Variants in MAGI1 observed in about 807,000 individuals in gnomAD.
MAGI1 encodes the protein membrane associated guanylate kinase, WW and PDZ domain containing 1.
Under a neutral mutation model 139.9 loss-of-function variants are expected in MAGI1, and 58 were observed. That is an observed-to-expected ratio of 0.41 (90% CI 0.34 to 0.52). The LOEUF (loss-of-function observed/expected upper bound fraction) is 0.52, where lower values mean the gene tolerates loss of function less well. Ranked by LOEUF, MAGI1 falls within the 20% of genes least tolerant of loss-of-function variation. The probability of loss-of-function intolerance (pLI) is 0.12; values close to 1 mark genes in which losing one functional copy is unlikely to be tolerated. For missense variants in MAGI1, 1,874 were observed against 1,901.6 expected, an observed-to-expected ratio of 0.99 and a Z score of 0.27; for synonymous variants, 812 against 737.9, an observed-to-expected ratio of 1.10 and a Z score of -1.63.
intron 1 of MAGI1, among the ~76,000 whole-genome samples, chr3:65,734,567 G>C (rs1357064783): frequency 7.6e-6 from 1 of 132,078 alleles, no homozygotes; most frequent in Non-Finnish European, 1.6e-5. Context: ...GAAAGAGAGA[G>C]AGGGAGAGAG....
chr3:65,622,031 G>T lies in MAGI1; in HGVS notation c.371C>A (p.Ser124Tyr). The T allele has an allele frequency of 6.2e-7, 1 of 1,614,016 alleles. No individual in the cohort carries two copies. Among genetic ancestry groups the T allele is most frequent in the Non-Finnish European group, 8.5e-7 (1 of 1,179,962 alleles). ...GGTCTGCTGGAGCTCATGATCAGGA[G>T]ACCCCTTCTGGAATCGCTGATTGAG... ...HFLNQRFQKGSPDHELQQTIR... is the reference protein window; with the variant it reads ...HFLNQRFQKGYPDHELQQTIR... The change falls in exon 2 of 23, where the codon TCT (serine) becomes TAT (tyrosine). Residue 124 changes from serine to tyrosine, a missense_variant. Physicochemically the swap from Ser to Tyr is moderately radical, Grantham distance 144. Around this residue, in one of 5 missense-constraint regions of MAGI1, gnomAD observed 648 missense variants for 598.1 expected, o/e 1.08. Transcript: ENST00000402939.
chr3:65,551,969 A>G (rs984149471), intron 2 of MAGI1, among the ~76,000 whole-genome samples: 1 of 152,236 alleles, frequency 6.6e-6, no homozygotes, highest in Non-Finnish European at 1.5e-5. Context: ...TGCTGATAAG[A>G]GGCAGAAAAG....
intron 22 of MAGI1, 53 bp downstream of exon 22, chr3:65,361,146 A>G (rs1940815831): frequency 6.2e-7 from 1 of 1,613,898 alleles, no homozygotes; most frequent in African/African-American, 1.3e-5. Context: ...TCTGGAGACA[A>G]ATTCATGGAG....
intron 1 of MAGI1, among the ~76,000 whole-genome samples, chr3:65,900,422 GTATTAT>G (rs1280395138): frequency 6.6e-6 from 1 of 152,194 alleles, no homozygotes; most frequent in African/African-American, 2.4e-5. Flanking sequence ...AAAGAGTCAT[GTATTAT>G]TTGCCTAGTG....
intron 1 of MAGI1, among the ~76,000 whole-genome samples, chr3:65,876,745 C>CT (rs1429265761): frequency 0.087 from 11,632 of 133,772 alleles, 1,233 homozygotes; most frequent in African/African-American, 0.24. Context: ...ATGTATCATG[C>CT]TTTTTTTTTT....
intron 14 of MAGI1, among the ~76,000 whole-genome samples, chr3:65,386,855 G>C (rs147793157): frequency 2.0e-5 from 3 of 152,294 alleles, no homozygotes; most frequent in Non-Finnish European, 2.9e-5. Context: ...GACTTCCTTT[G>C]ATAATTAGAA....
chr3:65,616,575 T>C (rs183425039), intron 2 of MAGI1, among the ~76,000 whole-genome samples: 18 of 152,180 alleles, frequency 1.2e-4, no homozygotes, highest in African/African-American at 4.1e-4. Flanking sequence ...TTACTAGTCA[T>C]AGTTTTGCCA....
At chr3:65,451,840 G>T (rs372017905) in intron 6 of MAGI1, among the ~76,000 whole-genome samples, 1 of 151,816 alleles carries the variant, frequency 6.6e-6, no homozygotes, top group Non-Finnish European at 1.5e-5. Context: ...TAGAGTCAAG[G>T]TCTCACTACA....
At chr3:65,688,088 C>G in intron 1 of MAGI1, 1 of 760,388 alleles carries the variant, frequency 1.3e-6, no homozygotes, top group African/African-American at 1.7e-5. Context: ...AGCCTTTGGC[C>G]CTGAACACTG....
At chr3:65,665,743 C>A (rs1214479312) in intron 1 of MAGI1, among the ~76,000 whole-genome samples, 3 of 152,114 alleles carry the variant, frequency 2.0e-5, no homozygotes, top group Non-Finnish European at 2.9e-5. Context: ...GGAACATTTC[C>A]TGGGCTTTCC....
At chr3:65,393,259 T>C (rs879515715) in intron 13 of MAGI1, among the ~76,000 whole-genome samples, 14 of 151,930 alleles carry the variant, frequency 9.2e-5, no homozygotes, top group African/African-American at 2.2e-4. Context: ...TTGCTTTTTT[T>C]CCCCCCCTCT....
chr3:65,740,092 C>A (rs956818757), intron 1 of MAGI1, among the ~76,000 whole-genome samples: 1 of 152,170 alleles, frequency 6.6e-6, no homozygotes, highest in African/African-American at 2.4e-5. Flanking sequence ...TTATCTGAAG[C>A]CTCTGATAGG....
chr3:65,530,837 A>ACACACACACACACACACACG (rs1402317097), intron 2 of MAGI1, among the ~76,000 whole-genome samples: 1 of 21,940 alleles, frequency 4.6e-5, no homozygotes, highest in African/African-American at 1.4e-4. Flanking sequence ...ATATATATAT[A>ACACACACACACACACACACG]TACACACACA....
At chr3:65,383,222 G>A (rs1943189342) in intron 15 of MAGI1, among the ~76,000 whole-genome samples, 1 of 152,202 alleles carries the variant, frequency 6.6e-6, no homozygotes, top group Non-Finnish European at 1.5e-5. Flanking sequence ...CCAGGCCACT[G>A]TGATATTAGG....
intron 2 of MAGI1, among the ~76,000 whole-genome samples, chr3:65,520,306 A>C (rs1168114733): frequency 1.3e-5 from 2 of 152,380 alleles, no homozygotes; most frequent in South Asian, 4.1e-4. Flanking sequence ...CGTAAGGGAA[A>C]AGATAGTTCC....
chr3:65,971,713 G>A (rs1298923107), intron 1 of MAGI1, among the ~76,000 whole-genome samples: 1 of 152,188 alleles, frequency 6.6e-6, no homozygotes, highest in Non-Finnish European at 1.5e-5. Flanking sequence ...ACAAGACACA[G>A]AAGCCTTCCT....
chr3:65,785,125 C>A (rs1368005171), intron 1 of MAGI1, among the ~76,000 whole-genome samples: 1 of 152,212 alleles, frequency 6.6e-6, no homozygotes. Context: ...AGTTATATCT[C>A]AATACCGCTA....
intron 1 of MAGI1, among the ~76,000 whole-genome samples, chr3:65,805,142 C>A (rs7637061): frequency 1.3e-5 from 2 of 151,980 alleles, no homozygotes; most frequent in African/African-American, 4.8e-5. Context: ...ATCATCAGAG[C>A]AAACAGACAA....
intron 22 of MAGI1, chr3:65,360,467 AC>A (rs1940725663): frequency 2.0e-6 from 2 of 984,760 alleles, no homozygotes; most frequent in Non-Finnish European, 2.4e-6. Flanking sequence ...ATTGCTGTCT[AC>A]TCAAATCAAG....
Sources: allele counts gnomAD v4.1 joint callset (sites outside exome capture counted in the v4.1 genomes callset), GRCh38; gene constraint gnomAD v4.1.1; regional missense constraint gnomAD v4.1.1; transcripts MANE v1.5; gene names NCBI Gene and HGNC (gene_info 2026-07-23, HGNC 2026-07-21).